CD3G: variants seen among roughly 807,000 people sequenced by gnomAD.
CD3G encodes the protein CD3 gamma subunit of T-cell receptor complex.
In CD3G, 24 loss-of-function variants were observed where a neutral mutation model predicts 28.3. The ratio of observed to expected loss-of-function variants is 0.85; its 90% CI spans 0.61 to 1.19. The LOEUF (loss-of-function observed/expected upper bound fraction) is 1.19. Ranked by LOEUF, CD3G falls within the 50% of genes most tolerant of loss-of-function variation. CD3G has a pLI of 0.00. For synonymous variants in CD3G, 71 were observed against 75.9 expected, an observed-to-expected ratio of 0.93 and a Z score of 0.34; for missense variants, 211 against 210.0, an observed-to-expected ratio of 1.00 and a Z score of -0.03.
intron 1 of CD3G, among the ~76,000 whole-genome samples, chr11:118,347,767 T>A (rs1389745676): frequency 6.6e-6 from 1 of 152,246 alleles, no homozygotes; most frequent in East Asian, 1.9e-4. Flanking sequence ...TACAGGTGCA[T>A]ACCACCATGC....
intron 6 of CD3G, among the ~76,000 whole-genome samples, chr11:118,352,724 C>T (rs919948914): frequency 8.5e-5 from 13 of 152,172 alleles, no homozygotes; most frequent in African/African-American, 3.1e-4. Flanking sequence ...GGCCTCAAGC[C>T]ATAGAGATGC....
At chr11:118,346,802 GAAAAAAAAAAAAAGATGTCTCAAAAA>G (rs1948361071) in intron 1 of CD3G, among the ~76,000 whole-genome samples, 1 of 31,544 alleles carries the variant, frequency 3.2e-5, no homozygotes, top group African/African-American at 1.0e-4. Flanking sequence ...GACAGAGCAA[GAAAAAAAAAAAAAGATGTCTCAAAAA>G]AAAAAAAAAA....
At chr11:118,352,238 GA>G in intron 5 of CD3G, among the ~76,000 whole-genome samples, 165 bp from the exon 6 acceptor site, 1 of 151,080 alleles carries the variant, frequency 6.6e-6, no homozygotes, top group Non-Finnish European at 1.5e-5. Flanking sequence ...GAGAGAGAGA[GA>G]AAAAGAAAAA....
intron 5 of CD3G, 96 bp downstream of exon 5, chr11:118,351,767 A>T (rs1201934400): frequency 9.2e-7 from 1 of 1,088,280 alleles, no homozygotes; most frequent in Non-Finnish European, 1.4e-6. Flanking sequence ...CTATACAGGT[A>T]AGAAACTGCT....
intron 3 of CD3G, 21 bp downstream of exon 3, chr11:118,349,991 T>G: frequency 6.3e-7 from 1 of 1,586,942 alleles, no homozygotes; most frequent in African/African-American, 1.3e-5. Flanking sequence ...CCCTTTGGTC[T>G]GTTTGTTGTG....
At chr11:118,350,001 G>T (rs760311198) in intron 3 of CD3G, 31 bp downstream of exon 3, 4 of 1,558,024 alleles carry the variant, frequency 2.6e-6, no homozygotes, top group Non-Finnish European at 3.5e-6. Context: ...TGTTTGTTGT[G>T]AAATTAATCA....
intron 1 of CD3G, 38 bp from the exon 2 acceptor site, chr11:118,348,989 T>C: frequency 6.2e-7 from 1 of 1,613,222 alleles, no homozygotes; most frequent in South Asian, 1.1e-5. Flanking sequence ...AACAACTCCA[T>C]GCCCAGCTAA....
chr11:118,350,659 C>T lies in CD3G; in HGVS notation c.415C>T (p.Gln139Ter), dbSNP rs1375544270. The T allele has an allele frequency of 1.9e-6, 3 of 1,613,852 alleles. No individual in the cohort carries two copies. In the South Asian group the frequency reaches 3.3e-5, roughly 18 times the overall value. The part of the protein sequence containing the change: ...LAVGVYFIAG[Q>*]DGVRQSRASD... ...TGTTGGGGTCTACTTCATTGCTGGACAGGATGGAGTTCGCCAGTCGAGAGG... is the reference window on the plus strand; with the variant it reads ...TGTTGGGGTCTACTTCATTGCTGGATAGGATGGAGTTCGCCAGTCGAGAGG... The change falls in exon 4 of 7, where the codon CAG (glutamine) becomes TAG (stop). Residue 139 changes from glutamine (Q) to a stop codon, truncating the protein, a stop_gained. Coordinates refer to ENST00000532917, the MANE Select transcript of CD3G (RefSeq NM_000073.3). LOFTEE classifies it high-confidence loss of function.
rs752190298 is a variant in CD3G, at chr11:118,349,866, A to C, written c.203A>C (p.Asp68Ala). The C allele has an allele frequency of 3.1e-6, 5 of 1,614,074 alleles. No homozygotes were observed. In the South Asian group the frequency reaches 5.5e-5, roughly 18 times the overall value. ...DGKMIGFLTE[D>A]KKKWNLGSNA... ...AAGATGATCGGCTTCCTAACTGAAG[A>C]TAAAAAAAAATGGAATCTGGGAAGT... Residue 68 changes from aspartate (D) to alanine (A), a missense_variant, in exon 3 of 7, where the codon GAT becomes GCT. By Grantham distance (126) the Asp-to-Ala change is moderately radical. Transcript: ENST00000532917.
rs1948401113 is a variant in CD3G at position 118,350,810 on chromosome 11, G to GTA, written c.439+129_439+130dup. Reference sequence around the variant, plus strand: ...CTAGTGTGCATAGTTGGGTGAGGCTGTATTTCTCTGAGACAGGAGAAAGGA... The same window carrying GTA: ...CTAGTGTGCATAGTTGGGTGAGGCTGTATATTTCTCTGAGACAGGAGAAAGGA... On this transcript the variant is annotated intron_variant, in intron 4 of 6. Transcript: ENST00000532917. 4 of 1,498,772 alleles carry GTA rather than the reference G, an allele frequency of 2.7e-6. No individual in the cohort carries two copies. In the Admixed American group the frequency reaches 7.5e-5, roughly 28 times the overall value. 92.8% of individuals were successfully genotyped at this position (1,498,772 alleles called of 1,614,324 possible). A position where few individuals can be genotyped will look rare whatever the true frequency, so the allele number is the denominator to read the frequency against.
intron 3 of CD3G, chr11:118,350,249 G>A (rs1489002581): frequency 4.9e-5 from 28 of 570,272 alleles, no homozygotes; most frequent in Non-Finnish European, 8.4e-5. Flanking sequence ...GGGAGACAGA[G>A]GTGATCATAA....
At chr11:118,347,468 C>G (rs1018721313) in intron 1 of CD3G, among the ~76,000 whole-genome samples, 1 of 152,108 alleles carries the variant, frequency 6.6e-6, no homozygotes, top group African/African-American at 2.4e-5. Context: ...GCAGTTGATT[C>G]TTCATATCAG....
intron 4 of CD3G, chr11:118,350,888 T>TCAAAAAAAAAAAAAAAAA (rs1565522275): frequency 1.5e-6 from 1 of 682,218 alleles, no homozygotes; most frequent in Non-Finnish European, 1.8e-6. Context: ...GCTCCCTCTG[T>TCAAAAAAAAAAAAAAAAA]GAAAAAAAAA....
Position 118,349,785 on chromosome 11 carries a change from C to A in CD3G, c.122C>A (p.Ser41Ter). Reference protein sequence around the residue: ...VKVYDYQEDGSVLLTCDAEAK... With the variant: ...VKVYDYQEDG ...GTGTATGACTATCAAGAAGATGGTT[C>A]GGTACTTCTGACTTGTGATGCAGAA... Residue 41 changes from serine to a stop codon, truncating the protein, a stop_gained, in exon 3 of 7, where the codon TCG (serine) becomes TAG (stop). Transcript: ENST00000532917. LOFTEE classifies it high-confidence loss of function. 1.2e-6 allele frequency: 2 copies of A among 1,613,980 alleles called. No homozygotes were observed. The highest frequency in any genetic ancestry group is 2.2e-5 in the East Asian group (1 of 44,870).
chr11:118,349,992 G>A (rs202047276), intron 3 of CD3G, 22 bp downstream of exon 3: 2 of 1,587,904 alleles, frequency 1.3e-6, no homozygotes, highest in Admixed American at 1.7e-5. Context: ...CCTTTGGTCT[G>A]TTTGTTGTGA....
Position 118,350,652 on chromosome 11 carries a change from T to C in CD3G, c.408T>C (p.Ile136=). ...IFVLAVGVYF[I]AGQDGVRQSR... ...TCCTTGCTGTTGGGGTCTACTTCAT[T>C]GCTGGACAGGATGGAGTTCGCCAGT... is the stretch of plus-strand genomic sequence containing the variant. The change falls in exon 4 of 7, where the codon ATT becomes ATC. Residue 136 remains isoleucine (I), a synonymous_variant. Transcript: ENST00000532917. 3.7e-6 allele frequency: 6 copies of C among 1,613,974 alleles called. No homozygotes were observed. The highest frequency in any genetic ancestry group is 5.1e-6 in the Non-Finnish European group (6 of 1,179,960).
Position 118,344,361 on chromosome 11 carries a change from G to T in CD3G, c.-63G>T. 1 of 633,490 alleles carries T rather than the reference G, an allele frequency of 1.6e-6. No homozygotes were observed. Among genetic ancestry groups the T allele is most frequent in the Non-Finnish European group, 2.1e-6 (1 of 478,660 alleles). 39.2% of individuals were successfully genotyped at this position (633,490 alleles called of 1,614,324 possible). A position where few individuals can be genotyped will look rare whatever the true frequency, so the allele number is the denominator to read the frequency against. On this transcript the variant is annotated 5_prime_UTR_variant, in exon 1 of 7. It adds an upstream start codon to the 5' untranslated region. Coordinates refer to ENST00000532917, the MANE Select transcript of CD3G (RefSeq NM_000073.3). ...GTGGAGCCAGTCTAGCTGCTGCACA[G>T]GCTGGCTGGCTGGCTGGCTGCTAAG...
intron 6 of CD3G, among the ~76,000 whole-genome samples, chr11:118,352,862 C>T (rs1948422198): frequency 6.6e-6 from 1 of 152,178 alleles, no homozygotes; most frequent in Non-Finnish European, 1.5e-5. Flanking sequence ...TCCCTGGCCT[C>T]TCTCCACCAG....
rs200321022 is a variant in CD3G, at chr11:118,353,191, T to C, written c.*91T>C. 4 of 152,298 alleles carry C rather than the reference T, an allele frequency of 2.6e-5. No individual in the cohort carries two copies. Among genetic ancestry groups the C allele is most frequent in the Non-Finnish European group, 5.9e-5 (4 of 68,136 alleles). 9.4% of individuals were successfully genotyped at this position (152,298 alleles called of 1,614,324 possible). The stretch of plus-strand genomic sequence containing the variant: ...TTTGGAAAGCTCCTAGCAGAGAGAC[T>C]TTCAGCCCTAAATCTAGACTCAAGG... On this transcript the variant is annotated 3_prime_UTR_variant, in exon 7 of 7. Coordinates refer to ENST00000532917, the MANE Select transcript of CD3G (RefSeq NM_000073.3).
Sources: allele counts gnomAD v4.1 joint callset (sites outside exome capture counted in the v4.1 genomes callset), GRCh38; gene constraint gnomAD v4.1.1; transcripts MANE v1.5; gene names NCBI Gene and HGNC (gene_info 2026-07-23, HGNC 2026-07-21).